EPB41L4B: variants seen among roughly 807,000 people sequenced by gnomAD.
EPB41L4B encodes the protein erythrocyte membrane protein band 4.1 like 4B.
A neutral mutation model predicts 112.5 loss-of-function variants in EPB41L4B; 30 were observed. The ratio of observed to expected loss-of-function variants is 0.27; its 90% confidence interval spans 0.20 to 0.36. The LOEUF is 0.36. Ranked by LOEUF, EPB41L4B falls within the 10% of genes least tolerant of loss-of-function variation. The pLI, the probability that EPB41L4B is intolerant of heterozygous loss-of-function variation, is 1.00. For missense variants in EPB41L4B, 1,024 were observed against 1,133.3 expected (o/e 0.90, Z 1.38); for synonymous variants, 408 against 439.7 (o/e 0.93, Z 0.90).
chr9:109,190,483 C>A lies in EPB41L4B; in HGVS notation c.2301+1795G>T, dbSNP rs1156538290. On this transcript the variant is annotated intron_variant, in intron 22 of 25. Coordinates refer to ENST00000374566, the MANE Select transcript of EPB41L4B (RefSeq NM_019114.5). Reference sequence around the variant, plus strand: ...GCTCATCCAGGCTGAGTCTCCTAGACCAAGGTACCTGAGCACTTCCCTTCC... The same window carrying A: ...GCTCATCCAGGCTGAGTCTCCTAGAACAAGGTACCTGAGCACTTCCCTTCC... Among the ~76,000 whole-genome samples, 4 of 152,186 alleles carry A rather than the reference C, an allele frequency of 2.6e-5. No individual in the cohort carries two copies. The East Asian group carries it at 7.7e-4, about 29-fold the overall frequency.
At chr9:109,291,778 G>A (rs982444466) in intron 1 of EPB41L4B, among the ~76,000 whole-genome samples, 1 of 152,174 alleles carries the variant, frequency 6.6e-6, no homozygotes, top group Non-Finnish European at 1.5e-5. Flanking sequence ...CTCACTCCAT[G>A]GGCAAGGGGC....
chr9:109,212,584 C>A (rs185870066), intron 17 of EPB41L4B, among the ~76,000 whole-genome samples: 6 of 152,162 alleles, frequency 3.9e-5, no homozygotes, highest in African/African-American at 1.4e-4. Flanking sequence ...AGGTCAGGGA[C>A]GGGAAGGGCA....
At chr9:109,264,896 G>A in intron 5 of EPB41L4B, 84 bp downstream of exon 5, 1 of 1,287,352 alleles carries the variant, frequency 7.8e-7, no homozygotes, top group South Asian at 1.6e-5. Flanking sequence ...AAGGGAACAA[G>A]GGTAAAAGAG....
In EPB41L4B at chr9:109,320,982, C is replaced by T. The variant is rs572027910; in HGVS notation, c.-536G>A. ...CCTTTTCCTGCGCCCGCAGCCCCCG[C>T]CTCCCACCTGGGAGGCTGCACCTCC... On this transcript the variant is annotated 5_prime_UTR_variant, in exon 1 of 26. Transcript: ENST00000374566. 47 of 172,570 alleles carry T rather than the reference C, an allele frequency of 2.7e-4. No individual in the cohort carries two copies. In the South Asian group the frequency reaches 7.1e-3, roughly 26 times the overall value. The allele number at this position is 172,570 out of a possible 1,614,324, so 10.7% of individuals were successfully genotyped here.
Position 109,174,496 on chromosome 9 carries a change from GAAGA to G in EPB41L4B, c.*54_*57del, listed in dbSNP as rs1831739954. ...GTGCTAGAGTGAGCACACAAAGCCCGAAGAAAGAAGACGGACAGAAGGCACCATG... is the reference window on the plus strand; with the variant it reads ...GTGCTAGAGTGAGCACACAAAGCCCGAAGAAGACGGACAGAAGGCACCATG... On this transcript the variant is annotated 3_prime_UTR_variant, in exon 26 of 26. Coordinates refer to ENST00000374566, the MANE Select transcript of EPB41L4B (RefSeq NM_019114.5). The G allele has an allele frequency of 6.6e-7, 1 of 1,507,850 alleles. No homozygotes were observed. The highest frequency in any genetic ancestry group is 9.2e-7 in the Non-Finnish European group (1 of 1,083,240). 93.4% of individuals were successfully genotyped at this position (1,507,850 alleles called of 1,614,324 possible). A position where few individuals can be genotyped will look rare whatever the true frequency, so the allele number is the denominator to read the frequency against.
At chr9:109,201,752 G>A (rs1023763313) in intron 19 of EPB41L4B, among the ~76,000 whole-genome samples, 3 of 152,130 alleles carry the variant, frequency 2.0e-5, no homozygotes, top group African/African-American at 7.2e-5. Flanking sequence ...ACTACCATCC[G>A]GTGAGGTCTC....
rs1831670541 is a variant in EPB41L4B, at chr9:109,172,635, T to A, written c.*1919A>T. The stretch of plus-strand genomic sequence containing the variant: ...GTATAAAAGGGGCTGATGTTTATAA[T>A]CATGACCATGACTCATCAAGAAAAG... On this transcript the variant is annotated 3_prime_UTR_variant, in exon 26 of 26. Transcript: ENST00000374566. 6.6e-6 allele frequency: 1 copy of A among 152,168 alleles called. No individual in the cohort carries two copies. Among genetic ancestry groups the A allele is most frequent in the South Asian group, 2.1e-4 (1 of 4,832 alleles). The allele number at this position is 152,168 out of a possible 1,614,324, so 9.4% of individuals were successfully genotyped here. A position where few individuals can be genotyped will look rare whatever the true frequency, so the allele number is the denominator to read the frequency against.
At chr9:109,183,240 C>T (rs1437859978) in intron 23 of EPB41L4B, among the ~76,000 whole-genome samples, 2 of 152,156 alleles carry the variant, frequency 1.3e-5, no homozygotes, top group African/African-American at 2.4e-5. Flanking sequence ...GGGACACGGT[C>T]TCTTACAGCA....
intron 2 of EPB41L4B, among the ~76,000 whole-genome samples, chr9:109,271,436 T>C (rs972359629): frequency 2.6e-5 from 4 of 152,188 alleles, no homozygotes; most frequent in African/African-American, 9.7e-5. Flanking sequence ...CCAGTCACAA[T>C]CCTAAAATGA....
At chr9:109,185,686 G>T in intron 22 of EPB41L4B, 81 bp from the exon 23 acceptor site, 1 of 1,098,300 alleles carries the variant, frequency 9.1e-7, no homozygotes, top group Non-Finnish European at 1.3e-6. Context: ...GGAAGGGAAA[G>T]GAGAGAAAGA....
At chr9:109,213,583 G>C (rs1833255643) in intron 17 of EPB41L4B, 117 bp downstream of exon 17, 6 of 753,120 alleles carry the variant, frequency 8.0e-6, no homozygotes, top group Non-Finnish European at 1.2e-5. Context: ...AGGAAAGATG[G>C]AATAGAGATC....
At chr9:109,309,245 TA>T (rs1837327908) in intron 1 of EPB41L4B, among the ~76,000 whole-genome samples, 1 of 152,116 alleles carries the variant, frequency 6.6e-6, no homozygotes, top group African/African-American at 2.4e-5. Flanking sequence ...GAAAATTCCA[TA>T]ATAAAAACTT....
chr9:109,231,026 G>A (rs1197213045), intron 15 of EPB41L4B, among the ~76,000 whole-genome samples: 3 of 151,982 alleles, frequency 2.0e-5, no homozygotes, highest in African/African-American at 7.2e-5. Flanking sequence ...GGGCATAGTG[G>A]TGCACGCCTG....
At chr9:109,175,749 A>G (rs1831802365) in intron 25 of EPB41L4B, among the ~76,000 whole-genome samples, 2 of 152,172 alleles carry the variant, frequency 1.3e-5, no homozygotes, top group African/African-American at 4.8e-5. Context: ...ACTGTAGCCA[A>G]CAAGGCCCTA....
chr9:109,193,525 T>C (rs1832536494), intron 21 of EPB41L4B, among the ~76,000 whole-genome samples: 1 of 152,382 alleles, frequency 6.6e-6, no homozygotes, highest in Non-Finnish European at 1.5e-5. Flanking sequence ...GAACAGCCTC[T>C]GAAGCTCCGG....
intron 19 of EPB41L4B, among the ~76,000 whole-genome samples, chr9:109,200,771 AT>A (rs77573752): frequency 6.6e-5 from 10 of 150,814 alleles, no homozygotes; most frequent in Admixed American, 1.3e-4. Flanking sequence ...CACAGACTAT[AT>A]TTTTTTTTTA....
In EPB41L4B at chr9:109,274,296, C is replaced by T. The variant is rs536434722; in HGVS notation, c.411+5521G>A. ...CCCAAGAGAGGAAGGGAGGCTCCTG[C>T]TTGGTGGGGCTGTTACTACCACTGC... On this transcript the variant is annotated intron_variant, in intron 2 of 25. Transcript: ENST00000374566. 4.6e-5 allele frequency among the ~76,000 whole-genome samples: 7 copies of T among 152,258 alleles called. No homozygotes were observed. In the East Asian group the frequency reaches 1.4e-3, roughly 29 times the overall value.
intron 1 of EPB41L4B, among the ~76,000 whole-genome samples, chr9:109,309,747 T>TAC (rs200405976): frequency 3.0e-4 from 41 of 135,588 alleles, no homozygotes; most frequent in Middle Eastern, 3.6e-3. Context: ...TATTAAGAAA[T>TAC]ACACACACAG....
chr9:109,309,410 C>A (rs887749805), intron 1 of EPB41L4B, among the ~76,000 whole-genome samples: 1 of 152,184 alleles, frequency 6.6e-6, no homozygotes, highest in Non-Finnish European at 1.5e-5. Context: ...GCCAGGGAAG[C>A]TTGTCAACTT....
Sources: allele counts gnomAD v4.1 joint callset (sites outside exome capture counted in the v4.1 genomes callset), GRCh38; gene constraint gnomAD v4.1.1; transcripts MANE v1.5; gene names NCBI Gene and HGNC (gene_info 2026-07-23, HGNC 2026-07-21).